Variants in TJP3 observed in about 807,000 individuals in gnomAD.
The protein encoded by TJP3 is tight junction protein 3.
In TJP3, 85 loss-of-function variants were observed where a neutral mutation model predicts 104.2. The observed-to-expected ratio is 0.82, with a 90% CI of 0.68 to 0.98. The LOEUF is 0.98. TJP3 is among the 50% of genes least tolerant of loss of function. The probability of loss-of-function intolerance (pLI) is 0.00; values close to 1 mark genes in which losing one functional copy is unlikely to be tolerated. For synonymous variants in TJP3, 550 were observed against 550.6 expected (o/e 1.00, Z 0.02); for missense variants, 1,367 against 1,322.8 (o/e 1.03, Z -0.52).
rs146962827 is a variant in TJP3, at chr19:3,730,174, C to T, written c.261+44C>T. Reference sequence around the variant, plus strand: ...GCATGGCCAGCATCTCTGACCCCAGCCTGGGTCGTGCCGCTGTGGGGGTTG... The same window carrying T: ...GCATGGCCAGCATCTCTGACCCCAGTCTGGGTCGTGCCGCTGTGGGGGTTG... On this transcript the variant is annotated intron_variant, in intron 4 of 20. Transcript: ENST00000541714. This position sits in a 1 kb window ranked among gnomAD's most constrained non-coding sequence, Gnocchi z 7.3. The T allele has an allele frequency of 1.3e-4, 211 of 1,594,252 alleles. 1 individual carries two copies. In the African/African-American group the frequency reaches 2.6e-3, roughly 20 times the overall value.
intron 6 of TJP3, among the ~76,000 whole-genome samples, chr19:3,733,059 G>A (rs1471953343): frequency 1.4e-5 from 2 of 146,842 alleles, no homozygotes; most frequent in Non-Finnish European, 3.0e-5. Context: ...TTTTTGATAT[G>A]GAGTGTCGCT....
chr19:3,719,927 A>G (rs1033782243), intron 1 of TJP3, among the ~76,000 whole-genome samples: 1 of 152,086 alleles, frequency 6.6e-6, no homozygotes, highest in Non-Finnish European at 1.5e-5. Flanking sequence ...TTTATTTTGT[A>G]TGGAGATTGG....
At chr19:3,742,936 C>T (rs1315509693) in intron 14 of TJP3, among the ~76,000 whole-genome samples, 2 of 146,024 alleles carry the variant, frequency 1.4e-5, no homozygotes, top group Non-Finnish European at 3.0e-5. Context: ...ACTGCACCGC[C>T]AGCCTCGGTG....
intron 1 of TJP3, among the ~76,000 whole-genome samples, chr19:3,718,619 C>G (rs1383962593): frequency 1.3e-5 from 2 of 151,608 alleles, no homozygotes; most frequent in African/African-American, 4.8e-5. Flanking sequence ...CAGACGTGCG[C>G]CACCACGCCC....
intron 19 of TJP3, among the ~76,000 whole-genome samples, chr19:3,749,133 G>T (rs546136222): frequency 6.6e-6 from 1 of 151,678 alleles, no homozygotes. Context: ...CTCTCAGAGT[G>T]TTGGGATTAG....
At chr19:3,733,118 C>T (rs1242736900) in intron 6 of TJP3, among the ~76,000 whole-genome samples, 1 of 152,038 alleles carries the variant, frequency 6.6e-6, no homozygotes, top group Non-Finnish European at 1.5e-5. Context: ...TCACTGCAAC[C>T]TCCACCTCCC....
intron 1 of TJP3, among the ~76,000 whole-genome samples, chr19:3,712,008 G>A (rs369152908): frequency 7.3e-5 from 11 of 151,594 alleles, no homozygotes; most frequent in African/African-American, 2.4e-4. Flanking sequence ...TTGCCTGTGT[G>A]TGTGTGTTCT....
chr19:3,747,717 T>C lies in TJP3; in HGVS notation c.2323-77T>C, dbSNP rs952849033. 9 of 1,442,192 alleles carry C rather than the reference T, an allele frequency of 6.2e-6. No homozygotes were observed. The African/African-American group carries it at 1.3e-4, about 21-fold the overall frequency. The allele number at this position is 1,442,192 out of a possible 1,614,324, so 89.3% of individuals were successfully genotyped here. On this transcript the variant is annotated intron_variant, in intron 18 of 20. Coordinates refer to ENST00000541714, the MANE Select transcript of TJP3 (RefSeq NM_001267560.2). The stretch of plus-strand genomic sequence containing the variant: ...CTCGCCTTGATTTGGGACCAGAGTT[T>C]GAAGGTGGGGGGATGTCGTGGGTGG...
chr19:3,726,973 GTTACT>G, intron 1 of TJP3, among the ~76,000 whole-genome samples: 1 of 151,928 alleles, frequency 6.6e-6, no homozygotes, highest in East Asian at 2.0e-4. Flanking sequence ...TGTGGTCCCA[GTTACT>G]TGGGAGGCAG....
At position 3,729,556 on chromosome 19, in the gene TJP3, G is replaced by A. The variant is rs970717634; in HGVS notation, c.159-472G>A. On this transcript the variant is annotated intron_variant, in intron 3 of 20. Coordinates refer to ENST00000541714, the MANE Select transcript of TJP3 (RefSeq NM_001267560.2). ...AGCACTTTGGGAGGCCGAGGTGGGC[G>A]GATTACCTGAGGTCAGGAGTTCAAA... 1.1e-4 allele frequency among the ~76,000 whole-genome samples: 16 copies of A among 152,108 alleles called. 1 individual carries two copies. Among genetic ancestry groups the A allele is most frequent in the African/African-American group, 1.7e-4 (7 of 41,476 alleles).
intron 13 of TJP3, among the ~76,000 whole-genome samples, chr19:3,739,356 G>A (rs112355875): frequency 6.6e-5 from 10 of 152,338 alleles, no homozygotes; most frequent in African/African-American, 2.4e-4. Context: ...TGGGCGTGGT[G>A]GCACATGCCT....
At chr19:3,726,336 G>T (rs556910964) in intron 1 of TJP3, among the ~76,000 whole-genome samples, 1 of 152,210 alleles carries the variant, frequency 6.6e-6, no homozygotes, top group African/African-American at 2.4e-5. Context: ...GGAGGCTCAC[G>T]CCTGTAATCC....
At chr19:3,724,252 G>A (rs980225660) in intron 1 of TJP3, among the ~76,000 whole-genome samples, 2 of 151,808 alleles carry the variant, frequency 1.3e-5, no homozygotes, top group Non-Finnish European at 2.9e-5. Flanking sequence ...CTGGAGTGCA[G>A]TGGCACAATC....
intron 1 of TJP3, among the ~76,000 whole-genome samples, chr19:3,726,134 C>CG (rs1255134125): frequency 2.6e-5 from 4 of 152,230 alleles, no homozygotes; most frequent in Non-Finnish European, 5.9e-5. Context: ...AAACCCGCCC[C>CG]GGGGAGGAGG....
intron 1 of TJP3, among the ~76,000 whole-genome samples, chr19:3,727,454 G>T (rs1337266233): frequency 7.0e-6 from 1 of 142,774 alleles, no homozygotes; most frequent in Non-Finnish European, 1.5e-5. Flanking sequence ...TTGCACTCCA[G>T]CCTGGGCAAC....
At chr19:3,721,676 G>A in intron 1 of TJP3, 1 of 353,106 alleles carries the variant, frequency 2.8e-6, no homozygotes, top group East Asian at 4.2e-5. Context: ...CGCGTCCAGG[G>A]GGCGTGTCTG....
At chr19:3,737,028 C>T (rs932340086) in intron 11 of TJP3, among the ~76,000 whole-genome samples, 1 of 151,178 alleles carries the variant, frequency 6.6e-6, no homozygotes, top group East Asian at 1.9e-4. Flanking sequence ...CACAGGTGGC[C>T]GCCACCATGC....
chr19:3,733,199 C>A (rs1175145946), intron 6 of TJP3, among the ~76,000 whole-genome samples: 2 of 151,358 alleles, frequency 1.3e-5, no homozygotes, highest in Non-Finnish European at 2.9e-5. Context: ...CCACGCCCTG[C>A]TAATTTTTGT....
intron 14 of TJP3, among the ~76,000 whole-genome samples, chr19:3,743,195 T>G (rs2036845528): frequency 6.6e-6 from 1 of 151,726 alleles, no homozygotes; most frequent in Non-Finnish European, 1.5e-5. Context: ...ACCTGGAAGG[T>G]GAAGGTTGCA....
Sources: gnomAD v4.1 joint callset for allele counts (sites outside exome capture counted in the v4.1 genomes callset) on GRCh38, gnomAD v4.1.1 for gene constraint, Gnocchi (gnomAD v3.1) non-coding constraint, MANE v1.5 for transcripts, NCBI Gene and HGNC (gene_info 2026-07-23, HGNC 2026-07-21) for gene names.